Variants in WWOX observed in about 807,000 individuals in gnomAD.
WWOX encodes WW domain containing oxidoreductase, also known as WW domain-containing oxidoreductase.
Under a neutral mutation model 46.2 loss-of-function variants are expected in WWOX, and 69 were observed. That is an observed-to-expected ratio of 1.49 (90% CI 1.23 to 1.82). The LOEUF (loss-of-function observed/expected upper bound fraction) is 1.82. Ranked by LOEUF, WWOX falls within the 40% of genes most tolerant of loss-of-function variation. The probability of loss-of-function intolerance (pLI) is 0.00; values close to 1 mark genes in which losing one functional copy is unlikely to be tolerated. For missense variants in WWOX, 919 were observed against 542.6 expected, an observed-to-expected ratio of 1.69 and a Z score of -6.89; for synonymous variants, 359 against 202.6, an observed-to-expected ratio of 1.77 and a Z score of -6.56.
chr16:78,713,273 CAAAAAAA>C (rs5818165), intron 8 of WWOX, among the ~76,000 whole-genome samples: 12 of 17,044 alleles, frequency 7.0e-4, no homozygotes, highest in East Asian at 1.9e-3. Flanking sequence ...GACTCTGTCT[CAAAAAAA>C]AAAAAAAAAA....
At chr16:78,379,317 A>G (rs1567536720) in intron 5 of WWOX, among the ~76,000 whole-genome samples, 1 of 152,290 alleles carries the variant, frequency 6.6e-6, no homozygotes, top group East Asian at 1.9e-4. Context: ...ATCACAAAAT[A>G]GCTAATTCCC....
At chr16:78,987,617 T>C (rs968762187) in intron 8 of WWOX, among the ~76,000 whole-genome samples, 2 of 152,196 alleles carry the variant, frequency 1.3e-5, no homozygotes, top group African/African-American at 4.8e-5. Context: ...CTATGCTCCC[T>C]CATGTTTCAA....
chr16:79,157,630 T>G (rs116739470), intron 8 of WWOX, among the ~76,000 whole-genome samples: 1 of 152,238 alleles, frequency 6.6e-6, no homozygotes. Context: ...TTATTATTAT[T>G]TAGGTATGCT....
At chr16:78,366,423 AAC>A (rs973295953) in intron 5 of WWOX, among the ~76,000 whole-genome samples, 1 of 152,194 alleles carries the variant, frequency 6.6e-6, no homozygotes, top group Non-Finnish European at 1.5e-5. Context: ...GTGATAAAAC[AAC>A]AGACACTCTA....
At chr16:79,003,265 A>G (rs1375629229) in intron 8 of WWOX, among the ~76,000 whole-genome samples, 3 of 152,222 alleles carry the variant, frequency 2.0e-5, no homozygotes, top group Non-Finnish European at 4.4e-5. Context: ...AAAATAGGCA[A>G]TGAAACTGAA....
chr16:78,176,894 A>C (rs1370577150), intron 5 of WWOX, among the ~76,000 whole-genome samples: 1 of 152,208 alleles, frequency 6.6e-6, no homozygotes, highest in Non-Finnish European at 1.5e-5. Flanking sequence ...GTGGTGTTTC[A>C]TTGATTAAAC....
chr16:79,212,084 C>T lies in WWOX; in HGVS notation c.*288C>T, dbSNP rs543589663. On this transcript the variant is annotated 3_prime_UTR_variant, in exon 9 of 9. Coordinates refer to ENST00000566780, the MANE Select transcript of WWOX (RefSeq NM_016373.4). ...CTTGGTGTGTAGGTTCCGTATCTCC[C>T]TGGAGAAGCACCAGCAATTCTCTTT... is the stretch of plus-strand genomic sequence containing the variant. The T allele has an allele frequency of 7.8e-6, 12 of 1,536,278 alleles. No homozygotes were observed. Among genetic ancestry groups the T allele is most frequent in the African/African-American group, 1.4e-5 (1 of 73,082 alleles).
intron 8 of WWOX, among the ~76,000 whole-genome samples, chr16:78,765,858 G>T (rs2049914224): frequency 1.3e-5 from 2 of 152,204 alleles, no homozygotes; most frequent in South Asian, 4.1e-4. Context: ...GAACAGAGAG[G>T]ACAGAGTGGG....
chr16:78,591,996 T>C (rs1265409276), intron 8 of WWOX, among the ~76,000 whole-genome samples: 1 of 152,198 alleles, frequency 6.6e-6, no homozygotes, highest in Non-Finnish European at 1.5e-5. Flanking sequence ...TCAATAGATA[T>C]CCAGATTGAT....
chr16:78,687,960 A>G (rs951666381), intron 8 of WWOX, among the ~76,000 whole-genome samples: 9 of 152,188 alleles, frequency 5.9e-5, no homozygotes, highest in African/African-American at 2.2e-4. Context: ...GTGAGGTCAG[A>G]TCTAGTGTGG....
intron 8 of WWOX, among the ~76,000 whole-genome samples, chr16:78,962,315 T>TTTTG (rs2046285647): frequency 2.2e-5 from 2 of 92,222 alleles, no homozygotes; most frequent in Admixed American, 2.6e-4. Flanking sequence ...TTTTTTTTTT[T>TTTTG]TTTTTTTTTT....
chr16:78,955,004 T>C (rs1110890), intron 8 of WWOX, among the ~76,000 whole-genome samples: 151,708 of 152,222 alleles, frequency 1, 75,600 homozygotes, highest in Middle Eastern at 1. Flanking sequence ...TGCCCAGGCT[T>C]ATCTCAAACT....
At chr16:78,841,829 T>G (rs533822920) in intron 8 of WWOX, among the ~76,000 whole-genome samples, 1 of 152,348 alleles carries the variant, frequency 6.6e-6, no homozygotes, top group South Asian at 2.1e-4. Flanking sequence ...GTGGGTAGAT[T>G]ATGTTATTCA....
chr16:78,939,293 A>G (rs1480781022), intron 8 of WWOX, among the ~76,000 whole-genome samples: 1 of 152,196 alleles, frequency 6.6e-6, no homozygotes, highest in African/African-American at 2.4e-5. Flanking sequence ...AGAGGCTGCT[A>G]CCTGGATGGT....
chr16:79,207,161 C>G (rs572227010), intron 8 of WWOX, among the ~76,000 whole-genome samples: 1 of 152,218 alleles, frequency 6.6e-6, no homozygotes, highest in African/African-American at 2.4e-5. Context: ...TCATCTCCAC[C>G]GCAGCAGCTC....
At chr16:78,660,664 C>T (rs149431517) in intron 8 of WWOX, among the ~76,000 whole-genome samples, 28 of 152,248 alleles carry the variant, frequency 1.8e-4, no homozygotes, top group African/African-American at 5.5e-4. Flanking sequence ...TCAGGATAAA[C>T]GTTTCAGACC....
At chr16:78,909,854 GC>G (rs1380681528) in intron 8 of WWOX, among the ~76,000 whole-genome samples, 1 of 152,170 alleles carries the variant, frequency 6.6e-6, no homozygotes, top group Non-Finnish European at 1.5e-5. Flanking sequence ...ATACTGCTTG[GC>G]AAATGGCACA....
intron 8 of WWOX, among the ~76,000 whole-genome samples, chr16:78,986,762 A>C (rs1400322907): frequency 3.9e-5 from 6 of 152,334 alleles, no homozygotes; most frequent in African/African-American, 1.2e-4. Flanking sequence ...TGATAGCTTC[A>C]GAAGAGATTT....
At chr16:78,888,412 CCTATT>C (rs1430225565) in intron 8 of WWOX, among the ~76,000 whole-genome samples, 1 of 152,126 alleles carries the variant, frequency 6.6e-6, no homozygotes, top group African/African-American at 2.4e-5. Flanking sequence ...AGGTGTTACT[CCTATT>C]CTTTTTGTAG....
Sources: gnomAD v4.1 joint callset for allele counts (sites outside exome capture counted in the v4.1 genomes callset) on GRCh38, gnomAD v4.1.1 for gene constraint, MANE v1.5 for transcripts, NCBI Gene and HGNC (gene_info 2026-07-23, HGNC 2026-07-21) for gene names.